ZNF750: variants seen among roughly 807,000 people sequenced by gnomAD.
ZNF750 encodes the protein protein ZNF750.
In ZNF750, 10 loss-of-function variants were observed where a neutral mutation model predicts 31.6. That is an observed-to-expected ratio of 0.32 (90% CI 0.19 to 0.54). The LOEUF is 0.54. Among genes scored for constraint, ZNF750 ranks in the 20% least tolerant of loss-of-function variants. The pLI is 0.95. For synonymous variants in ZNF750, 400 were observed against 404.9 expected (o/e 0.99, Z 0.15); for missense variants, 914 against 934.9 (o/e 0.98, Z 0.29).
At chr17:82,834,790 TCGGTTGATGGGTA>T (rs1375646180) in intron 1 of ZNF750, among the ~76,000 whole-genome samples, 1 of 152,018 alleles carries the variant, frequency 6.6e-6, no homozygotes, top group Non-Finnish European at 1.5e-5. Context: ...ACCTAGATGA[TCGGTTGATGGGTA>T]CAGTAAACCA....
At position 82,830,074 on chromosome 17, in the gene ZNF750, T is replaced by G. The variant is rs1598765731; in HGVS notation, c.*68A>C. The G allele has an allele frequency of 4.4e-6, 7 of 1,606,524 alleles. No homozygotes were observed. In the Admixed American group the frequency reaches 5.0e-5, roughly 11 times the overall value. On this transcript the variant is annotated 3_prime_UTR_variant, in exon 3 of 3. Transcript: ENST00000269394. ...ATGTGAAAGTGCCAGTTCAGAGGTG[T>G]TGTAGCTTGCCACCTTGGAAGGCGT...
At position 82,831,014 on chromosome 17, in the gene ZNF750, C is replaced by T. The variant is rs1260875246; in HGVS notation, c.1436+5G>A. ...TTGGAGGTTTTGAAAATGACATTTT[C>T]TTACCTTACTGGAGACTCTGCTGTG... On this transcript the variant is annotated splice_donor_5th_base_variant and intron_variant, in intron 2 of 2. Transcript: ENST00000269394. This position sits in a 1 kb window ranked among gnomAD's most constrained non-coding sequence, Gnocchi z 4.6. 2 of 1,613,986 alleles carry T rather than the reference C, an allele frequency of 1.2e-6. No homozygotes were observed. The highest frequency in any genetic ancestry group is 1.7e-6 in the Non-Finnish European group (2 of 1,180,046).
chr17:82,839,417 G>T (rs981734670), intron 1 of ZNF750, among the ~76,000 whole-genome samples: 3 of 146,088 alleles, frequency 2.1e-5, no homozygotes, highest in African/African-American at 5.1e-5. Context: ...CCTAAATTCA[G>T]CCCTAATGTA....
rs550203958 is a variant in ZNF750, at chr17:82,835,491, C to T, written c.-182-2855G>A. Among the ~76,000 whole-genome samples, 1 of 152,106 alleles carries T rather than the reference C, an allele frequency of 6.6e-6. No homozygotes were observed. Among genetic ancestry groups the T allele is most frequent in the African/African-American group, 2.4e-5 (1 of 41,408 alleles). On this transcript the variant is annotated intron_variant, in intron 1 of 2. Coordinates refer to ENST00000269394, the MANE Select transcript of ZNF750 (RefSeq NM_024702.3). The surrounding 1 kb of genome is among the most constrained non-coding windows in gnomAD (Gnocchi z 4.5). ...AGGCTGGAGGGCAGTGGTGCGATCT[C>T]GGTTCACTGCAACCTCTGCCTCCTG...
Position 82,832,510 on chromosome 17 carries a change from C to T in ZNF750, c.-56G>A, listed in dbSNP as rs1268439335. On this transcript the variant is annotated 5_prime_UTR_variant, in exon 2 of 3. Transcript: ENST00000269394. This position sits in a 1 kb window ranked among gnomAD's most constrained non-coding sequence, Gnocchi z 4.9. ...CCAGGTGGCGTGATCACTGTCGACG[C>T]CGCGTGCACTTCGTGGTTTCTAAAG... 1.3e-6 allele frequency: 2 copies of T among 1,517,000 alleles called. No individual in the cohort carries two copies. The highest frequency in any genetic ancestry group is 1.8e-6 in the Non-Finnish European group (2 of 1,104,302). 94.0% of individuals were successfully genotyped at this position (1,517,000 alleles called of 1,614,324 possible).
At position 82,833,173 on chromosome 17, in the gene ZNF750, A is replaced by G. The variant is rs2145298184; in HGVS notation, c.-182-537T>C. Among the ~76,000 whole-genome samples the G allele has an allele frequency of 6.6e-6, 1 of 152,146 alleles. No individual in the cohort carries two copies. The highest frequency in any genetic ancestry group is 6.5e-5 in the Admixed American group (1 of 15,282). Reference sequence around the variant, plus strand: ...TTCCCCTTAACATGTACCCACAGTCACAGAGTGCCCCTCACTTTTACACAG... The same window carrying G: ...TTCCCCTTAACATGTACCCACAGTCGCAGAGTGCCCCTCACTTTTACACAG... On this transcript the variant is annotated intron_variant, in intron 1 of 2. Transcript: ENST00000269394. The surrounding 1 kb of genome is among the most constrained non-coding windows in gnomAD (Gnocchi z 4.7).
At chr17:82,839,617 G>C (rs982887188) in intron 1 of ZNF750, among the ~76,000 whole-genome samples, 11 of 152,326 alleles carry the variant, frequency 7.2e-5, no homozygotes, top group African/African-American at 2.6e-4. Context: ...TGTTTTTGAG[G>C]TTAGGAGCAG....
In ZNF750 at chr17:82,832,405, C is replaced by G; in HGVS notation, c.50G>C (p.Arg17Thr). The change falls in exon 2 of 3, where the codon AGG becomes ACG. Residue 17 changes from arginine to threonine, a missense_variant. Physicochemically the swap from Arg to Thr is moderately conservative, Grantham distance 71. Coordinates refer to ENST00000269394, the MANE Select transcript of ZNF750 (RefSeq NM_024702.3). This position sits in a 1 kb window ranked among gnomAD's most constrained non-coding sequence, Gnocchi z 4.9. ...ATACTTGAAGGGCTTTCCTGGAGGC[C>G]TGGGGATGTAATGTGGCTTTTTTGG... ...RKPKKPHYIP[R>T]PPGKPFKYKC... 6.2e-7 allele frequency: 1 copy of G among 1,614,102 alleles called. No homozygotes were observed. Among genetic ancestry groups the G allele is most frequent in the Non-Finnish European group, 8.5e-7 (1 of 1,180,034 alleles).
Position 82,829,827 on chromosome 17 carries a change from T to C in ZNF750, c.*315A>G. On this transcript the variant is annotated 3_prime_UTR_variant, in exon 3 of 3. Transcript: ENST00000269394. ...GAAAAACAGTTAAAACAATTTGTTG[T>C]AATGGTGAGATATTTATAAGGAAAC... is the stretch of plus-strand genomic sequence containing the variant. The C allele has an allele frequency of 2.8e-6, 1 of 356,576 alleles. No homozygotes were observed. 22.1% of individuals were successfully genotyped at this position (356,576 alleles called of 1,614,324 possible).
In ZNF750 at chr17:82,830,164, C is replaced by G; in HGVS notation, c.2150G>C (p.Arg717Pro). The G allele has an allele frequency of 1.2e-6, 2 of 1,614,104 alleles. No homozygotes were observed. Among genetic ancestry groups the G allele is most frequent in the African/African-American group, 2.7e-5 (2 of 75,066 alleles). ...LQDTARVFTL[R>P]RRARVS ...GCGTTAGGACACCCGGGCCCTCCTT[C>G]GTAGTGTGAACACTCTGGCCGTGTC... The change falls in exon 3 of 3, where the codon CGA becomes CCA. Residue 717 changes from arginine to proline, a missense_variant. Coordinates refer to ENST00000269394, the MANE Select transcript of ZNF750 (RefSeq NM_024702.3).
In ZNF750 at chr17:82,832,097, G is replaced by A. The variant is rs776475239; in HGVS notation, c.358C>T (p.Arg120Trp). ...DIKENLELQA[R>W]GTHRCLGQKP... ...TGTCCCAGGCACCTGTGGGTTCCCC[G>A]GGCTTGCAGCTCCAGGTTTTCCTTG... The change falls in exon 2 of 3, where the codon CGG (arginine) becomes TGG (tryptophan). Residue 120 changes from arginine to tryptophan, a missense_variant. Around this residue, in one of 2 missense-constraint regions of ZNF750, gnomAD observed 880 missense variants for 868.9 expected, o/e 1.01. Coordinates refer to ENST00000269394, the MANE Select transcript of ZNF750 (RefSeq NM_024702.3). The surrounding 1 kb of genome is among the most constrained non-coding windows in gnomAD (Gnocchi z 4.9). The A allele has an allele frequency of 2.5e-5, 40 of 1,614,170 alleles. No individual in the cohort carries two copies. In the Middle Eastern group the frequency reaches 1.5e-3, roughly 60 times the overall value.
Position 82,830,258 on chromosome 17 carries a change from CT to C in ZNF750, c.2055del (p.Gly686AspfsTer7), listed in dbSNP as rs781418256. ...SQEAQCDLRP[K>X]GQKRTSLRDA... ...TCCCTTAGACTTGTCCTCTTTTGTC[CT>C]TTGGGTCTGAGGTCACACTGGGCCT... On this transcript the variant is annotated frameshift_variant, in exon 3 of 3. Coordinates refer to ENST00000269394, the MANE Select transcript of ZNF750 (RefSeq NM_024702.3). LOFTEE classifies it low-confidence loss of function (END_TRUNC). 1.2e-6 allele frequency: 2 copies of C among 1,614,216 alleles called. No individual in the cohort carries two copies. The highest frequency in any genetic ancestry group is 3.3e-5 in the Admixed American group (2 of 60,028).
Position 82,835,706 on chromosome 17 carries a change from T to C in ZNF750, c.-182-3070A>G, listed in dbSNP as rs985263126. Among the ~76,000 whole-genome samples the C allele has an allele frequency of 4.6e-5, 7 of 152,218 alleles. No homozygotes were observed. The highest frequency in any genetic ancestry group is 4.4e-5 in the Non-Finnish European group (3 of 68,040). On this transcript the variant is annotated intron_variant, in intron 1 of 2. Coordinates refer to ENST00000269394, the MANE Select transcript of ZNF750 (RefSeq NM_024702.3). This position sits in a 1 kb window ranked among gnomAD's most constrained non-coding sequence, Gnocchi z 4.5. ...TCCCAAAGTGCTGGGATTACAGGCA[T>C]GAGCCACCGTGCCTGGCTCATTTAT...
intron 1 of ZNF750, among the ~76,000 whole-genome samples, chr17:82,838,384 T>C (rs1361620871): frequency 6.6e-6 from 1 of 152,122 alleles, no homozygotes; most frequent in African/African-American, 2.4e-5. Flanking sequence ...ACAGTTTAAC[T>C]TTATGGGACG....
chr17:82,832,764 T>G lies in ZNF750; in HGVS notation c.-182-128A>C. Reference sequence around the variant, plus strand: ...CTGAAGGGCTGAAACTGCCTGCTCCTGAGGGGAGCAGCTGCCGGTCACAGA... The same window carrying G: ...CTGAAGGGCTGAAACTGCCTGCTCCGGAGGGGAGCAGCTGCCGGTCACAGA... On this transcript the variant is annotated intron_variant, in intron 1 of 2. Coordinates refer to ENST00000269394, the MANE Select transcript of ZNF750 (RefSeq NM_024702.3). This position sits in a 1 kb window ranked among gnomAD's most constrained non-coding sequence, Gnocchi z 4.9. The G allele has an allele frequency of 2.3e-6, 1 of 444,184 alleles. No individual in the cohort carries two copies. Among genetic ancestry groups the G allele is most frequent in the Non-Finnish European group, 4.2e-6 (1 of 240,784 alleles). The allele number at this position is 444,184 out of a possible 1,614,324, so 27.5% of individuals were successfully genotyped here. A position where few individuals can be genotyped will look rare whatever the true frequency, so the allele number is the denominator to read the frequency against.
chr17:82,836,281 TC>T (rs1220992273), intron 1 of ZNF750, among the ~76,000 whole-genome samples: 1 of 152,162 alleles, frequency 6.6e-6, no homozygotes, highest in Admixed American at 6.5e-5. Flanking sequence ...CTCGCCGCGC[TC>T]CCTGGTTCTG....
rs1190151132 is a variant in ZNF750 at position 82,833,740 on chromosome 17, G to A, written c.-182-1104C>T. On this transcript the variant is annotated intron_variant, in intron 1 of 2. Transcript: ENST00000269394. This position sits in a 1 kb window ranked among gnomAD's most constrained non-coding sequence, Gnocchi z 4.7. Reference sequence around the variant, plus strand: ...TTTAGAGATGGTTGGGTCATGGGAGGAAGCTGTCCTGGCCCTTAACCTTTA... The same window carrying A: ...TTTAGAGATGGTTGGGTCATGGGAGAAAGCTGTCCTGGCCCTTAACCTTTA... Among the ~76,000 whole-genome samples, 1 of 152,164 alleles carries A rather than the reference G, an allele frequency of 6.6e-6. No homozygotes were observed. The highest frequency in any genetic ancestry group is 1.5e-5 in the Non-Finnish European group (1 of 68,030).
rs139082484 is a variant in ZNF750, at chr17:82,830,343, C to T, written c.1971G>A (p.Ala657=). 3.1e-4 allele frequency: 498 copies of T among 1,613,752 alleles called. 2 individuals carry two copies. Among genetic ancestry groups the T allele is most frequent in the Middle Eastern group, 1.3e-3 (8 of 6,060 alleles). ...RNIRVGDGDA[A]APEPACRQDT... Reference sequence around the variant, plus strand: ...CTTGCCGGCAGGCAGGTTCCGGGGCCGCAGCATCCCCATCGCCCACCCGGA... The same window carrying T: ...CTTGCCGGCAGGCAGGTTCCGGGGCTGCAGCATCCCCATCGCCCACCCGGA... The change falls in exon 3 of 3, where the codon GCG becomes GCA. Residue 657 remains alanine (A), a synonymous_variant. Coordinates refer to ENST00000269394, the MANE Select transcript of ZNF750 (RefSeq NM_024702.3).
rs1169220206 is a variant in ZNF750, at chr17:82,830,280, G to A, written c.2034C>T (p.Ala678=). ...PTLSSMESQE[A]QCDLRPKGQK... ...GTCCTTTGGGTCTGAGGTCACACTG[G>A]GCCTCTTGGCTCTCCATGGAGCTCA... Residue 678 remains alanine, a synonymous_variant, in exon 3 of 3, where the codon GCC becomes GCT. Transcript: ENST00000269394. The A allele has an allele frequency of 2.5e-6, 4 of 1,614,190 alleles. No homozygotes were observed. Among genetic ancestry groups the A allele is most frequent in the Non-Finnish European group, 3.4e-6 (4 of 1,180,048 alleles).
Sources: gnomAD v4.1 joint callset for allele counts (sites outside exome capture counted in the v4.1 genomes callset) on GRCh38, gnomAD v4.1.1 for gene constraint, gnomAD v4.1.1 regional missense constraint, Gnocchi (gnomAD v3.1) non-coding constraint, MANE v1.5 for transcripts, NCBI Gene and HGNC (gene_info 2026-07-23, HGNC 2026-07-21) for gene names.